The following GATA2 variants were observed in gnomAD, a reference collection of about 807,000 sequenced individuals.
GATA2 encodes the protein GATA binding protein 2, also known as endothelial transcription factor GATA-2.
GATA2 carries 6 observed loss-of-function variants against 35.7 expected under a neutral mutation model. The ratio of observed to expected loss-of-function variants is 0.17; its 90% CI spans 0.09 to 0.33. The LOEUF is 0.33. GATA2 is among the 10% of genes least tolerant of loss of function. The pLI is 1.00. For synonymous variants in GATA2, 313 were observed against 274.9 expected (o/e 1.14, Z -1.37); for missense variants, 541 against 656.6 (o/e 0.82, Z 1.92).
rs753206010 is a variant in GATA2 at position 128,486,790 on chromosome 3, G to GC, written c.229+12dup. 1.5e-5 allele frequency: 24 copies of GC among 1,588,688 alleles called. No homozygotes were observed. Among genetic ancestry groups the GC allele is most frequent in the Non-Finnish European group, 2.1e-5 (24 of 1,168,610 alleles). On this transcript the variant is annotated intron_variant, in intron 2 of 5. Coordinates refer to ENST00000341105, the MANE Select transcript of GATA2 (RefSeq NM_032638.5). ...GGCGCCTGGGTTCTCATCACCACGG[G>GC]CCCAGTGCTCACCGTGCGCGGGGCT...
At chr3:128,485,201 TC>T (rs1357937431) in intron 3 of GATA2, among the ~76,000 whole-genome samples, 1 of 152,124 alleles carries the variant, frequency 6.6e-6, no homozygotes. Context: ...GGGGAAAATC[TC>T]CCGAGGAGAT....
intron 1 of GATA2, among the ~76,000 whole-genome samples, chr3:128,491,405 AT>A (rs758751248): frequency 3.3e-5 from 5 of 152,138 alleles, no homozygotes; most frequent in Admixed American, 2.6e-4. Context: ...CCATAGAGAA[AT>A]TTAATTCGCA....
chr3:128,484,077 A>C (rs2068664383), intron 3 of GATA2, 72 bp from the exon 4 acceptor site: 21 of 1,574,188 alleles, frequency 1.3e-5, no homozygotes, highest in Non-Finnish European at 1.7e-5. Context: ...CCAGGGCAGG[A>C]AAGCAGCCAG....
In GATA2 at chr3:128,483,944, G is replaced by T. The variant is rs774280897; in HGVS notation, c.933C>A (p.Thr311=). The change falls in exon 4 of 6, where the codon ACC becomes ACA. Residue 311 remains threonine, a synonymous_variant. Coordinates refer to ENST00000341105, the MANE Select transcript of GATA2 (RefSeq NM_032638.5). ...CACAGGCATTGCACAGGTAGTGGCC[G>T]GTGCCGTCCCGCCGCCAGAGAGGGG... is the stretch of plus-strand genomic sequence containing the variant. ...TATPLWRRDG[T]GHYLCNACGL... 9 of 1,613,990 alleles carry T rather than the reference G, an allele frequency of 5.6e-6. No individual in the cohort carries two copies. The highest frequency in any genetic ancestry group is 7.6e-6 in the Non-Finnish European group (9 of 1,180,040).
intron 1 of GATA2, among the ~76,000 whole-genome samples, chr3:128,492,479 A>C (rs939483843): frequency 3.3e-5 from 5 of 152,160 alleles, no homozygotes; most frequent in Non-Finnish European, 2.9e-5. Context: ...AGCTGGGTTA[A>C]GCCGCGAAAA....
rs376805544 is a variant in GATA2, at chr3:128,481,046, C to T, written c.1416G>A (p.Pro472=). 1.7e-4 allele frequency: 273 copies of T among 1,589,042 alleles called. No individual in the cohort carries two copies. Among genetic ancestry groups the T allele is most frequent in the Middle Eastern group, 8.8e-4 (5 of 5,674 alleles). ...SSSLSFGHPH[P]SSMVTAMG is the part of the protein sequence containing the mutation. Reference sequence around the variant, plus strand: ...AGCCCATGGCGGTCACCATGCTGGACGGGTGGGGGTGGCCGAAGGAGAGGC... The same window carrying T: ...AGCCCATGGCGGTCACCATGCTGGATGGGTGGGGGTGGCCGAAGGAGAGGC... The change falls in exon 6 of 6, where the codon CCG becomes CCA. Residue 472 remains proline (P), a synonymous_variant. Transcript: ENST00000341105.
At position 128,481,956 on chromosome 3, in the gene GATA2, A is replaced by G. The variant is rs1285595122; in HGVS notation, c.1018-12T>C. ...CTTCTGGCGGCCGACTGGGAGGGCA[A>G]GGCAGCGTCAGCAGGCTGGACTCCC... On this transcript the variant is annotated splice_polypyrimidine_tract_variant and intron_variant, in intron 4 of 5. Coordinates refer to ENST00000341105, the MANE Select transcript of GATA2 (RefSeq NM_032638.5). 1 of 1,612,606 alleles carries G rather than the reference A, an allele frequency of 6.2e-7. No homozygotes were observed. Among genetic ancestry groups the G allele is most frequent in the South Asian group, 1.1e-5 (1 of 91,074 alleles).
intron 4 of GATA2, 33 bp from the exon 5 acceptor site, chr3:128,481,977 C>G: frequency 6.2e-7 from 1 of 1,610,090 alleles, no homozygotes; most frequent in Non-Finnish European, 8.5e-7. Context: ...GCAGGCTGGA[C>G]TCCCACGCCC....
At chr3:128,484,069 A>G in intron 3 of GATA2, 64 bp from the exon 4 acceptor site, 3 of 1,583,596 alleles carry the variant, frequency 1.9e-6, no homozygotes, top group Admixed American at 1.7e-5. Context: ...GAGGGAGTCC[A>G]GGGCAGGAAA....
chr3:128,491,531 C>G (rs1401175952), intron 1 of GATA2, among the ~76,000 whole-genome samples: 2 of 152,236 alleles, frequency 1.3e-5, no homozygotes, highest in African/African-American at 4.8e-5. Flanking sequence ...CATTAGATCT[C>G]AGGCCAGCAG....
At position 128,486,066 on chromosome 3, in the gene GATA2, G is replaced by A. The variant is rs757177579; in HGVS notation, c.532C>T (p.Pro178Ser). 2.5e-6 allele frequency: 4 copies of A among 1,613,956 alleles called. No individual in the cohort carries two copies. Among genetic ancestry groups the A allele is most frequent in the Non-Finnish European group, 3.4e-6 (4 of 1,180,000 alleles). ...CTAGGGTCAGGAGACACTTCTTTGG[G>A]TGGCGTGGGTGGGAAGCCGAAAAGG... ...SHLFGFPPTP[P>S]KEVSPDPSTT... Residue 178 changes from proline to serine, a missense_variant, in exon 3 of 6, where the codon CCC becomes TCC. This residue lies in a region of GATA2 where 389 missense variants were observed against 396.9 expected (regional missense o/e 0.98). Coordinates refer to ENST00000341105, the MANE Select transcript of GATA2 (RefSeq NM_032638.5).
chr3:128,491,198 C>T (rs1468440686), intron 1 of GATA2, among the ~76,000 whole-genome samples: 1 of 110,530 alleles, frequency 9.0e-6, no homozygotes, highest in South Asian at 3.2e-4. Context: ...CAGGTCTCCC[C>T]GGCCGTCCAG....
rs912221704 is a variant in GATA2, at chr3:128,480,018, A to G, written c.*1001T>C. On this transcript the variant is annotated 3_prime_UTR_variant, in exon 6 of 6. Coordinates refer to ENST00000341105, the MANE Select transcript of GATA2 (RefSeq NM_032638.5). ...GGCTGTGGGATCCCAGCTCTTTTCC[A>G]AAAAGAATTGCAAAGCTCCAACCTT... 2 of 232,788 alleles carry G rather than the reference A, an allele frequency of 8.6e-6. No homozygotes were observed. The highest frequency in any genetic ancestry group is 1.7e-5 in the Non-Finnish European group (2 of 117,828). 14.4% of individuals were successfully genotyped at this position (232,788 alleles called of 1,614,324 possible).
rs2068731636 is a variant in GATA2, at chr3:128,488,166, G to A, written c.-45-1090C>T. Among the ~76,000 whole-genome samples, 2 of 152,032 alleles carry A rather than the reference G, an allele frequency of 1.3e-5. No individual in the cohort carries two copies. The highest frequency in any genetic ancestry group is 6.5e-5 in the Admixed American group (1 of 15,270). Reference sequence around the variant, plus strand: ...ACCCTCACCCCAAGGCCCGACCCCTGCAGCCCCTCTTGCGAACACTCCGGG... The same window carrying A: ...ACCCTCACCCCAAGGCCCGACCCCTACAGCCCCTCTTGCGAACACTCCGGG... On this transcript the variant is annotated intron_variant, in intron 1 of 5. Transcript: ENST00000341105. This position sits in a 1 kb window ranked among gnomAD's most constrained non-coding sequence, Gnocchi z 5.8.
In GATA2 at chr3:128,480,010, TC is replaced by T. The variant is rs2068604238; in HGVS notation, c.*1008del. On this transcript the variant is annotated 3_prime_UTR_variant, in exon 6 of 6. Transcript: ENST00000341105. ...CATACTAGGGCTGTGGGATCCCAGCTCTTTTCCAAAAAGAATTGCAAAGCTC... is the reference window on the plus strand; with the variant it reads ...CATACTAGGGCTGTGGGATCCCAGCTTTTTCCAAAAAGAATTGCAAAGCTC... The T allele has an allele frequency of 4.3e-6, 1 of 232,846 alleles. No homozygotes were observed. Among genetic ancestry groups the T allele is most frequent in the South Asian group, 1.8e-4 (1 of 5,532 alleles). 14.4% of individuals were successfully genotyped at this position (232,846 alleles called of 1,614,324 possible). A position where few individuals can be genotyped will look rare whatever the true frequency, so the allele number is the denominator to read the frequency against.
chr3:128,482,366 C>T (rs923044442), intron 4 of GATA2, among the ~76,000 whole-genome samples: 15 of 152,192 alleles, frequency 9.9e-5, no homozygotes, highest in South Asian at 2.1e-4. Context: ...AGCACGACTC[C>T]GCTCAAAATC....
intron 3 of GATA2, 113 bp from the exon 4 acceptor site, chr3:128,484,118 G>A (rs1307886502): frequency 5.9e-6 from 8 of 1,360,096 alleles, no homozygotes; most frequent in Admixed American, 4.1e-5. Context: ...TCAGGCACAC[G>A]GTTGGCCTGG....
rs2068707325 is a variant in GATA2, at chr3:128,486,835, G to A, written c.197C>T (p.Ala66Val). 1 of 1,610,850 alleles carries A rather than the reference G, an allele frequency of 6.2e-7. No homozygotes were observed. Among genetic ancestry groups the A allele is most frequent in the Non-Finnish European group, 8.5e-7 (1 of 1,179,052 alleles). Residue 66 changes from alanine to valine, a missense_variant, in exon 2 of 6, where the codon GCG (alanine) becomes GTG (valine). Ala to Val is a moderately conservative substitution (Grantham distance 64, BLOSUM62 0). Around this residue, in one of 5 missense-constraint regions of GATA2, gnomAD observed 389 missense variants for 396.9 expected, o/e 0.98. Transcript: ENST00000341105. ...GNPYYANPAH[A>V]RARVSYSPAH... Reference sequence around the variant, plus strand: ...GGGGCTGTAGGAGACGCGCGCCCGCGCGTGAGCGGGGTTGGCATAGTAGGG... The same window carrying A: ...GGGGCTGTAGGAGACGCGCGCCCGCACGTGAGCGGGGTTGGCATAGTAGGG...
In GATA2 at chr3:128,479,505, A is replaced by G. The variant is rs2068597509; in HGVS notation, c.*1514T>C. The G allele has an allele frequency of 4.3e-6, 1 of 233,112 alleles. No individual in the cohort carries two copies. The highest frequency in any genetic ancestry group is 2.2e-5 in the African/African-American group (1 of 45,344). The allele number at this position is 233,112 out of a possible 1,614,324, so 14.4% of individuals were successfully genotyped here. The stretch of plus-strand genomic sequence containing the variant: ...GGATAGCATACATTTTTTACAGACA[A>G]TATATAAATGTTGTACATAATTAAC... On this transcript the variant is annotated 3_prime_UTR_variant, in exon 6 of 6. Coordinates refer to ENST00000341105, the MANE Select transcript of GATA2 (RefSeq NM_032638.5).
Sources: gnomAD v4.1 joint callset for allele counts (sites outside exome capture counted in the v4.1 genomes callset) on GRCh38, gnomAD v4.1.1 for gene constraint, gnomAD v4.1.1 regional missense constraint, Gnocchi (gnomAD v3.1) non-coding constraint, MANE v1.5 for transcripts, NCBI Gene and HGNC (gene_info 2026-07-23, HGNC 2026-07-21) for gene names.